GSE1: variants seen among roughly 807,000 people sequenced by gnomAD.
GSE1 encodes Gse1 coiled-coil protein.
Under a neutral mutation model 112.6 loss-of-function variants are expected in GSE1, and 32 were observed. The ratio of observed to expected loss-of-function variants is 0.28; its 90% CI spans 0.21 to 0.38. The LOEUF (loss-of-function observed/expected upper bound fraction) is 0.38, where lower values mean the gene tolerates loss of function less well. Ranked by LOEUF, GSE1 falls within the 10% of genes least tolerant of loss-of-function variation. The pLI is 1.00. For missense variants in GSE1, 2,348 were observed against 1,699.2 expected, an observed-to-expected ratio of 1.38 and a Z score of -6.71; for synonymous variants, 1,115 against 735.6, an observed-to-expected ratio of 1.52 and a Z score of -8.35.
At chr16:85,473,041 C>T (rs2050342750) in intron 2 of GSE1, among the ~76,000 whole-genome samples, 1 of 152,244 alleles carries the variant, frequency 6.6e-6, no homozygotes, top group African/African-American at 2.4e-5. Context: ...AGGAGGTGCG[C>T]CCGGCACCAA....
At chr16:85,597,223 C>T (rs988229248) in intron 1 of GSE1, among the ~76,000 whole-genome samples, 7 of 151,820 alleles carry the variant, frequency 4.6e-5, no homozygotes, top group African/African-American at 1.7e-4. Flanking sequence ...AGGTGATCTG[C>T]CTGCCTTGGC....
intron 2 of GSE1, among the ~76,000 whole-genome samples, chr16:85,523,281 C>T (rs2052252772): frequency 6.6e-6 from 1 of 150,406 alleles, no homozygotes; most frequent in Non-Finnish European, 1.5e-5. Context: ...TGTGAGACCT[C>T]TGTGTGTTGT....
At chr16:85,201,509 G>T (rs534574890) in intron 1 of GSE1, among the ~76,000 whole-genome samples, 9 of 152,088 alleles carry the variant, frequency 5.9e-5, no homozygotes, top group African/African-American at 1.9e-4. Context: ...AAAATTAGTT[G>T]GGCATGGTGG....
At chr16:85,446,259 C>G (rs746688) in intron 2 of GSE1, among the ~76,000 whole-genome samples, 1 of 152,246 alleles carries the variant, frequency 6.6e-6, no homozygotes, top group East Asian at 1.9e-4. Flanking sequence ...ATCAGTTGAA[C>G]GTGGGAGCTC....
intron 1 of GSE1, among the ~76,000 whole-genome samples, chr16:85,341,994 T>C (rs959131371): frequency 6.6e-6 from 1 of 152,012 alleles, no homozygotes; most frequent in Non-Finnish European, 1.5e-5. Context: ...GCAGGTGGTC[T>C]CTCTATCCCT....
chr16:85,435,348 G>T (rs1315094514), intron 2 of GSE1, among the ~76,000 whole-genome samples: 3 of 150,438 alleles, frequency 2.0e-5, no homozygotes, highest in African/African-American at 7.4e-5. Context: ...CTTAGACTGT[G>T]CCCTCCATGG....
intron 13 of GSE1, 106 bp downstream of exon 13, chr16:85,666,453 T>A: frequency 9.8e-7 from 1 of 1,022,724 alleles, no homozygotes; most frequent in Non-Finnish European, 1.5e-6. Context: ...CACAAGTTTT[T>A]ATAAACTCCA....
At chr16:85,649,799 C>G (rs1030877116) in intron 3 of GSE1, among the ~76,000 whole-genome samples, 4 of 152,204 alleles carry the variant, frequency 2.6e-5, no homozygotes, top group African/African-American at 9.7e-5. Flanking sequence ...GAGAGTCACT[C>G]TTGCCTGAAG....
chr16:85,336,839 C>A (rs1053644094), intron 1 of GSE1, among the ~76,000 whole-genome samples: 1 of 152,212 alleles, frequency 6.6e-6, no homozygotes, highest in East Asian at 1.9e-4. Flanking sequence ...ATATGTCATG[C>A]CAAAATACAT....
chr16:85,290,196 G>A (rs1342601246), intron 1 of GSE1, among the ~76,000 whole-genome samples: 1 of 152,138 alleles, frequency 6.6e-6, no homozygotes, highest in African/African-American at 2.4e-5. Flanking sequence ...TGGCACTCCT[G>A]AGGGCAGCCT....
intron 1 of GSE1, among the ~76,000 whole-genome samples, chr16:85,623,325 C>T (rs1339545880): frequency 6.6e-6 from 1 of 152,004 alleles, no homozygotes; most frequent in Admixed American, 6.6e-5. Flanking sequence ...AGCGATCCCC[C>T]ACCTCGGCCT....
intron 2 of GSE1, among the ~76,000 whole-genome samples, chr16:85,515,714 A>G (rs571085445): frequency 3.7e-4 from 56 of 152,076 alleles, no homozygotes; most frequent in African/African-American, 1.3e-3. Flanking sequence ...TGGGCTGTGC[A>G]GACCTGAGGT....
chr16:85,248,480 TTC>T (rs917902915), intron 1 of GSE1, among the ~76,000 whole-genome samples: 8 of 151,730 alleles, frequency 5.3e-5, no homozygotes, highest in Admixed American at 5.3e-4. Context: ...CCCTCCGTCT[TTC>T]TCTCTCCCTC....
At chr16:85,312,692 G>T (rs1039050270) in intron 1 of GSE1, among the ~76,000 whole-genome samples, 1 of 152,084 alleles carries the variant, frequency 6.6e-6, no homozygotes, top group Non-Finnish European at 1.5e-5. Context: ...AAGCAGGGAG[G>T]GGGAGGAGGG....
chr16:85,201,397 C>G (rs1356666530), intron 1 of GSE1, among the ~76,000 whole-genome samples: 5 of 151,026 alleles, frequency 3.3e-5, no homozygotes, highest in African/African-American at 4.9e-5. Flanking sequence ...ATGGCTCACT[C>G]CTGTAATCCC....
intron 2 of GSE1, among the ~76,000 whole-genome samples, chr16:85,532,264 A>G (rs1490843208): frequency 1.3e-5 from 2 of 152,022 alleles, no homozygotes; most frequent in Non-Finnish European, 2.9e-5. Flanking sequence ...AGCTGGGATC[A>G]TTTTGTTTGT....
At chr16:85,528,638 TTTTTG>T (rs71151301) in intron 2 of GSE1, among the ~76,000 whole-genome samples, 52,613 of 144,938 alleles carry the variant, frequency 0.36, 9,754 homozygotes, top group South Asian at 0.57. Context: ...GGATTGCTGT[TTTTTG>T]TTTTGTTTTG....
At chr16:85,397,309 T>A (rs570101831) in intron 2 of GSE1, among the ~76,000 whole-genome samples, 4 of 152,304 alleles carry the variant, frequency 2.6e-5, no homozygotes, top group African/African-American at 7.2e-5. Flanking sequence ...GCACTCAGGC[T>A]GCGACCCCCG....
chr16:85,328,773 T>G (rs994278572), intron 1 of GSE1, among the ~76,000 whole-genome samples: 8 of 151,880 alleles, frequency 5.3e-5, no homozygotes, highest in Non-Finnish European at 8.8e-5. Context: ...CTGCAGTGAT[T>G]GACAAGGCCT....
Sources: allele counts gnomAD v4.1 joint callset (sites outside exome capture counted in the v4.1 genomes callset), GRCh38; gene constraint gnomAD v4.1.1; transcripts MANE v1.5; gene names NCBI Gene and HGNC (gene_info 2026-07-23, HGNC 2026-07-21).